Variants in SORCS2 observed in about 807,000 individuals in gnomAD.
SORCS2 encodes the protein sortilin related VPS10 domain containing receptor 2.
Under a neutral mutation model 141.6 loss-of-function variants are expected in SORCS2, and 100 were observed. That is an observed-to-expected ratio of 0.71 (90% CI 0.60 to 0.83). SORCS2 has a LOEUF of 0.83. Ranked by LOEUF, SORCS2 falls within the 40% of genes least tolerant of loss-of-function variation. The pLI is 0.00. For missense variants in SORCS2, 1,646 were observed against 1,560.2 expected, an observed-to-expected ratio of 1.05 and a Z score of -0.93; for synonymous variants, 789 against 676.9, an observed-to-expected ratio of 1.17 and a Z score of -2.57.
chr4:7,240,359 C>T (rs1337461181), intron 1 of SORCS2, among the ~76,000 whole-genome samples: 2 of 152,184 alleles, frequency 1.3e-5, no homozygotes, highest in Admixed American at 1.3e-4. Flanking sequence ...CAAATTACCT[C>T]GATGAGTCCT....
chr4:7,373,854 G>C (rs547163021), intron 1 of SORCS2, among the ~76,000 whole-genome samples: 18 of 152,078 alleles, frequency 1.2e-4, no homozygotes, highest in African/African-American at 3.9e-4. Flanking sequence ...TTTCCTCCCA[G>C]TCTGTGGCTT....
At chr4:7,709,247 A>G (rs935326291) in intron 14 of SORCS2, among the ~76,000 whole-genome samples, 4 of 152,310 alleles carry the variant, frequency 2.6e-5, no homozygotes, top group Admixed American at 2.6e-4. Flanking sequence ...ACAGAGGTTG[A>G]CAGCCTTCTC....
At chr4:7,405,581 T>G (rs546151542) in intron 2 of SORCS2, among the ~76,000 whole-genome samples, 12 of 152,052 alleles carry the variant, frequency 7.9e-5, no homozygotes, top group Non-Finnish European at 1.8e-4. Context: ...TAAATTTATT[T>G]GTAGGTATTT....
chr4:7,342,785 G>C (rs967921604), intron 1 of SORCS2, among the ~76,000 whole-genome samples: 2 of 152,218 alleles, frequency 1.3e-5, no homozygotes, highest in Admixed American at 1.3e-4. Context: ...CGCTGGCATG[G>C]GCGGTAATTA....
chr4:7,654,106 G>T, intron 4 of SORCS2, 28 bp from the exon 5 acceptor site: 1 of 1,554,692 alleles, frequency 6.4e-7, no homozygotes, highest in Admixed American at 1.9e-5. Flanking sequence ...TCCTGACCAA[G>T]CTTTTGTTTC....
chr4:7,222,914 C>T (rs533014666), intron 1 of SORCS2, among the ~76,000 whole-genome samples: 173 of 152,272 alleles, frequency 1.1e-3, no homozygotes, highest in Non-Finnish European at 1.6e-3. Context: ...TCCACCTTGA[C>T]TCATTCACTC....
At chr4:7,605,063 A>C (rs1199653246) in intron 3 of SORCS2, among the ~76,000 whole-genome samples, 1 of 152,196 alleles carries the variant, frequency 6.6e-6, no homozygotes, top group Admixed American at 6.5e-5. Context: ...AGGATCCAGA[A>C]ATCTGGAGGA....
intron 2 of SORCS2, among the ~76,000 whole-genome samples, chr4:7,502,709 G>A (rs1412290890): frequency 2.6e-5 from 4 of 152,092 alleles, no homozygotes; most frequent in Admixed American, 6.5e-5. Context: ...AAGCTGCAAG[G>A]TTCCAATCTA....
chr4:7,402,881 T>A (rs1419065561), intron 2 of SORCS2, among the ~76,000 whole-genome samples: 1 of 152,048 alleles, frequency 6.6e-6, no homozygotes, highest in Non-Finnish European at 1.5e-5. Context: ...CCTGCTCATA[T>A]CTCGTGCCTG....
At chr4:7,654,786 C>T (rs567483697) in intron 5 of SORCS2, among the ~76,000 whole-genome samples, 2 of 152,170 alleles carry the variant, frequency 1.3e-5, no homozygotes, top group Non-Finnish European at 2.9e-5. Flanking sequence ...GGGGTTGTAC[C>T]CCAGACAAGC....
At position 7,428,267 on chromosome 4, in the gene SORCS2, C is replaced by T. The variant is rs181212416; in HGVS notation, c.548+31912C>T. ...GGCCACAGCTAGGCCTTGTCAGAAA[C>T]ACACAACCGCAGGGCGGCATCAGCA... On this transcript the variant is annotated intron_variant, in intron 2 of 26. Coordinates refer to ENST00000507866, the MANE Select transcript of SORCS2 (RefSeq NM_020777.3). 1.7e-3 allele frequency among the ~76,000 whole-genome samples: 259 copies of T among 152,304 alleles called. 1 individual carries two copies. Among genetic ancestry groups the T allele is most frequent in the African/African-American group, 5.8e-3 (242 of 41,558 alleles).
chr4:7,321,544 G>A (rs543193943), intron 1 of SORCS2, among the ~76,000 whole-genome samples: 4 of 152,312 alleles, frequency 2.6e-5, no homozygotes, highest in South Asian at 2.1e-4. Flanking sequence ...GGAAGACACC[G>A]GTGGATGAAA....
At chr4:7,536,260 C>T (rs1040763160) in intron 3 of SORCS2, among the ~76,000 whole-genome samples, 6 of 152,124 alleles carry the variant, frequency 3.9e-5, no homozygotes, top group African/African-American at 7.2e-5. Flanking sequence ...AGTGGGGTTG[C>T]GGTGGTGAAT....
intron 3 of SORCS2, among the ~76,000 whole-genome samples, chr4:7,584,736 G>A (rs899733727): frequency 6.6e-6 from 1 of 152,174 alleles, no homozygotes; most frequent in African/African-American, 2.4e-5. Context: ...AGATTGAGCA[G>A]TTTTGCAGGC....
In SORCS2 at chr4:7,701,968, G is replaced by A. The variant is rs1363949100; in HGVS notation, c.1669-1312G>A. ...TGCACCTGCTAGGAAGGGGTCAGCC[G>A]AGCCTCCTTCCTTATCCCGCCCCAC... is the stretch of plus-strand genomic sequence containing the variant. On this transcript the variant is annotated intron_variant, in intron 12 of 26. Transcript: ENST00000507866. 1.1e-4 allele frequency among the ~76,000 whole-genome samples: 16 copies of A among 152,290 alleles called. No individual in the cohort carries two copies. The South Asian group carries it at 1.7e-3, about 16-fold the overall frequency.
intron 2 of SORCS2, among the ~76,000 whole-genome samples, chr4:7,399,736 A>G (rs1210455211): frequency 1.3e-5 from 2 of 152,202 alleles, no homozygotes; most frequent in African/African-American, 4.8e-5. Flanking sequence ...GGTTGAGCAA[A>G]GCCCAATGTG....
At chr4:7,454,508 G>T (rs1250631581) in intron 2 of SORCS2, among the ~76,000 whole-genome samples, 1 of 139,290 alleles carries the variant, frequency 7.2e-6, no homozygotes, top group Non-Finnish European at 1.6e-5. Context: ...CTGTGTGTTG[G>T]GGTCAGATGC....
chr4:7,356,731 G>A (rs948659295), intron 1 of SORCS2, among the ~76,000 whole-genome samples: 1 of 152,230 alleles, frequency 6.6e-6, no homozygotes, highest in Non-Finnish European at 1.5e-5. Context: ...CTTCATAAGT[G>A]CAGGCCTGGC....
intron 3 of SORCS2, among the ~76,000 whole-genome samples, chr4:7,559,035 A>T (rs11945417): frequency 0.016 from 2,400 of 151,096 alleles, 26 homozygotes; most frequent in Middle Eastern, 0.065. Flanking sequence ...TTGAGCCACT[A>T]CTCGCTTCCT....
Sources: allele counts gnomAD v4.1 joint callset (sites outside exome capture counted in the v4.1 genomes callset), GRCh38; gene constraint gnomAD v4.1.1; transcripts MANE v1.5; gene names NCBI Gene and HGNC (gene_info 2026-07-23, HGNC 2026-07-21).